C8orf34: variants seen among roughly 807,000 people sequenced by gnomAD.
The protein encoded by C8orf34 is uncharacterized protein C8orf34.
Under a neutral mutation model 68.3 loss-of-function variants are expected in C8orf34, and 65 were observed. That is an observed-to-expected ratio of 0.95 (90% CI 0.78 to 1.17). C8orf34 has a LOEUF of 1.17. C8orf34 is among the 50% of genes most tolerant of loss of function. The pLI is 0.00. For synonymous variants in C8orf34, 244 were observed against 241.2 expected, an observed-to-expected ratio of 1.01 and a Z score of -0.11; for missense variants, 664 against 655.4, an observed-to-expected ratio of 1.01 and a Z score of -0.14.
Position 68,801,138 on chromosome 8 carries a change from G to T in C8orf34, c.1549+13602G>T, listed in dbSNP as rs144397467. ...ATAGCTAAGGCTGGGGTTTCAAAAG[G>T]CACTAAGTGATTGTTTATCTTTGTA... On this transcript the variant is annotated intron_variant, in intron 12 of 13. Transcript: ENST00000518698. 3.7e-3 allele frequency among the ~76,000 whole-genome samples: 570 copies of T among 152,288 alleles called. 3 individuals carry two copies. The highest frequency in any genetic ancestry group is 0.012 in the African/African-American group (512 of 41,572).
intron 1 of C8orf34, among the ~76,000 whole-genome samples, chr8:68,344,926 TAA>T (rs1806219756): frequency 6.6e-6 from 1 of 152,040 alleles, no homozygotes; most frequent in East Asian, 1.9e-4. Context: ...CTCTAGAATA[TAA>T]GTGTGTTGCT....
At chr8:68,712,202 C>T (rs1821346639) in intron 9 of C8orf34, among the ~76,000 whole-genome samples, 1 of 152,076 alleles carries the variant, frequency 6.6e-6, no homozygotes. Flanking sequence ...AGTCCTGAAA[C>T]AAATCCCTGA....
At chr8:68,467,028 T>C (rs189308153) in intron 3 of C8orf34, among the ~76,000 whole-genome samples, 45 of 152,058 alleles carry the variant, frequency 3.0e-4, no homozygotes, top group African/African-American at 1.0e-3. Context: ...ACTCGGCTCC[T>C]AACCTGCAAT....
At chr8:68,624,922 T>TG (rs1319879741) in intron 7 of C8orf34, among the ~76,000 whole-genome samples, 138 of 151,622 alleles carry the variant, frequency 9.1e-4, no homozygotes, top group African/African-American at 2.4e-3. Flanking sequence ...TTTTTTTTTT[T>TG]TGTGTAGCTG....
chr8:68,811,325 C>T (rs1431352936), intron 12 of C8orf34, among the ~76,000 whole-genome samples: 1 of 152,236 alleles, frequency 6.6e-6, no homozygotes. Context: ...GCAGCGGGAG[C>T]AGTCACTTCC....
chr8:68,713,977 A>G (rs1821398206), intron 9 of C8orf34, among the ~76,000 whole-genome samples: 1 of 152,192 alleles, frequency 6.6e-6, no homozygotes, highest in Non-Finnish European at 1.5e-5. Flanking sequence ...GGATGCAGGG[A>G]TGGTTTAACA....
intron 8 of C8orf34, among the ~76,000 whole-genome samples, chr8:68,671,593 T>C (rs1032297713): frequency 6.6e-6 from 1 of 152,200 alleles, no homozygotes; most frequent in Non-Finnish European, 1.5e-5. Flanking sequence ...CACATTGCAA[T>C]TGTCAGCACC....
At chr8:68,704,744 A>T (rs1821116375) in intron 8 of C8orf34, among the ~76,000 whole-genome samples, 1 of 152,160 alleles carries the variant, frequency 6.6e-6, no homozygotes. Context: ...TATTATTCTC[A>T]TACTTTATTT....
intron 5 of C8orf34, among the ~76,000 whole-genome samples, chr8:68,507,667 T>C (rs938655304): frequency 4.6e-5 from 7 of 152,196 alleles, no homozygotes; most frequent in Admixed American, 1.3e-4. Context: ...AAATATGCCT[T>C]TGAGCAACTT....
intron 7 of C8orf34, among the ~76,000 whole-genome samples, chr8:68,553,824 T>C (rs1227038697): frequency 6.6e-6 from 1 of 152,044 alleles, no homozygotes; most frequent in Non-Finnish European, 1.5e-5. Flanking sequence ...TTTTCTCTTC[T>C]CACATTCTTG....
rs1276148756 is a variant in C8orf34 at position 68,540,088 on chromosome 8, T to A, written c.1105+6939T>A. On this transcript the variant is annotated intron_variant, in intron 7 of 13. Transcript: ENST00000518698. The stretch of plus-strand genomic sequence containing the variant: ...TTATGATTTTTCTTTTAAAAATGTC[T>A]TATGTTCAACAATTTCAGAGAGAAA... Among the ~76,000 whole-genome samples, 5 of 152,216 alleles carry A rather than the reference T, an allele frequency of 3.3e-5. 1 individual carries two copies. In the East Asian group the frequency reaches 9.6e-4, roughly 29 times the overall value.
chr8:68,490,481 C>A (rs1813264321), intron 5 of C8orf34, among the ~76,000 whole-genome samples: 1 of 152,104 alleles, frequency 6.6e-6, no homozygotes, highest in African/African-American at 2.4e-5. Flanking sequence ...CAGGACATGG[C>A]CTTCTCCCTC....
At chr8:68,393,449 C>T (rs1808557387) in intron 1 of C8orf34, among the ~76,000 whole-genome samples, 1 of 152,054 alleles carries the variant, frequency 6.6e-6, no homozygotes, top group African/African-American at 2.4e-5. Flanking sequence ...ATTTGACAGT[C>T]AACCTTCCTA....
intron 7 of C8orf34, chr8:68,534,881 T>G: frequency 3.0e-6 from 3 of 985,376 alleles, no homozygotes; most frequent in Non-Finnish European, 3.6e-6. Flanking sequence ...TTGGAGACTA[T>G]CTAATGATGA....
intron 1 of C8orf34, among the ~76,000 whole-genome samples, chr8:68,349,124 C>T (rs981322899): frequency 1.3e-5 from 2 of 151,832 alleles, no homozygotes; most frequent in South Asian, 2.1e-4. Flanking sequence ...GGCTCTTAGG[C>T]TCTTATTATT....
At chr8:68,537,464 CT>C (rs1043055508) in intron 7 of C8orf34, among the ~76,000 whole-genome samples, 32 of 139,000 alleles carry the variant, frequency 2.3e-4, no homozygotes, top group East Asian at 4.1e-4. Flanking sequence ...TTTTTATTTT[CT>C]TTTTTTTTTT....
At chr8:68,516,281 A>C (rs1285823132) in intron 5 of C8orf34, among the ~76,000 whole-genome samples, 1 of 152,222 alleles carries the variant, frequency 6.6e-6, no homozygotes, top group Non-Finnish European at 1.5e-5. Context: ...GGATTTTAAA[A>C]ATTCGTTCAA....
At chr8:68,596,076 C>A (rs1037696096) in intron 7 of C8orf34, among the ~76,000 whole-genome samples, 2 of 151,990 alleles carry the variant, frequency 1.3e-5, no homozygotes, top group Non-Finnish European at 2.9e-5. Context: ...TCTGTTTGTG[C>A]GTTTCTTTTT....
At chr8:68,451,958 G>A (rs1199051811) in intron 3 of C8orf34, among the ~76,000 whole-genome samples, 1 of 151,968 alleles carries the variant, frequency 6.6e-6, no homozygotes, top group Non-Finnish European at 1.5e-5. Context: ...TATCATACGA[G>A]TGAAATCACA....
Sources: allele counts gnomAD v4.1 joint callset (sites outside exome capture counted in the v4.1 genomes callset), GRCh38; gene constraint gnomAD v4.1.1; transcripts MANE v1.5; gene names NCBI Gene and HGNC (gene_info 2026-07-23, HGNC 2026-07-21).